The following L3MBTL4 variants were observed in gnomAD, a reference collection of about 807,000 sequenced individuals.
L3MBTL4 encodes the protein lethal(3)malignant brain tumor-like protein 4.
Under a neutral mutation model 84.5 loss-of-function variants are expected in L3MBTL4, and 70 were observed. The observed-to-expected ratio is 0.83, with a 90% confidence interval of 0.68 to 1.01. The LOEUF (loss-of-function observed/expected upper bound fraction) is 1.01, where lower values mean the gene tolerates loss of function less well. L3MBTL4 is among the 50% of genes least tolerant of loss of function. The pLI is 0.00. For synonymous variants in L3MBTL4, 274 were observed against 259.8 expected, an observed-to-expected ratio of 1.05 and a Z score of -0.52; for missense variants, 715 against 754.8, an observed-to-expected ratio of 0.95 and a Z score of 0.62.
Position 6,164,996 on chromosome 18 carries a change from G to A in L3MBTL4, c.1096+6832C>T, listed in dbSNP as rs937868956. On this transcript the variant is annotated intron_variant, in intron 13 of 18. Transcript: ENST00000317931. ...TGGAGAAGTCCTTAAAGGACCTGAT[G>A]GAGCTGAAAACCATGGCACAAGAAC... is the stretch of plus-strand genomic sequence containing the variant. Among the ~76,000 whole-genome samples, 28 of 152,306 alleles carry A rather than the reference G, an allele frequency of 1.8e-4. 1 individual carries two copies. The highest frequency in any genetic ancestry group is 6.8e-3 in the Middle Eastern group (2 of 294).
At chr18:6,362,974 G>A (rs990829666) in intron 1 of L3MBTL4, among the ~76,000 whole-genome samples, 2 of 152,216 alleles carry the variant, frequency 1.3e-5, no homozygotes, top group African/African-American at 4.8e-5. Context: ...ACCGTGAACC[G>A]CAGAGGAAAG....
At chr18:6,040,332 A>G (rs554628513) in intron 16 of L3MBTL4, among the ~76,000 whole-genome samples, 170 of 152,296 alleles carry the variant, frequency 1.1e-3, no homozygotes, top group African/African-American at 3.9e-3. Context: ...TGGTTGTCAC[A>G]TCTTGGGGTG....
chr18:6,085,340 A>G (rs966192078), intron 15 of L3MBTL4, among the ~76,000 whole-genome samples: 11 of 152,220 alleles, frequency 7.2e-5, no homozygotes, highest in African/African-American at 2.7e-4. Context: ...TGATATGACA[A>G]TTTACCCATG....
chr18:6,345,913 T>C (rs1269827209), intron 1 of L3MBTL4, among the ~76,000 whole-genome samples: 1 of 151,902 alleles, frequency 6.6e-6, no homozygotes, highest in African/African-American at 2.4e-5. Flanking sequence ...ACAATTCCTA[T>C]TTCAAATTAC....
At chr18:6,380,321 T>C (rs1459028136) in intron 1 of L3MBTL4, among the ~76,000 whole-genome samples, 1 of 152,206 alleles carries the variant, frequency 6.6e-6, no homozygotes, top group African/African-American at 2.4e-5. Flanking sequence ...TCTCCTTCAG[T>C]TCTGCTCTAA....
intron 4 of L3MBTL4, among the ~76,000 whole-genome samples, chr18:6,269,894 C>T (rs1226083492): frequency 6.6e-6 from 1 of 152,154 alleles, no homozygotes; most frequent in Non-Finnish European, 1.5e-5. Context: ...TTTATGAACC[C>T]AAAATGCAAA....
At chr18:6,010,350 A>T (rs1242700331) in intron 16 of L3MBTL4, among the ~76,000 whole-genome samples, 1 of 152,206 alleles carries the variant, frequency 6.6e-6, no homozygotes, top group African/African-American at 2.4e-5. Flanking sequence ...CTCAGAGAGG[A>T]ACTGTGCTGT....
intron 1 of L3MBTL4, among the ~76,000 whole-genome samples, chr18:6,351,294 T>C (rs942278896): frequency 1.3e-5 from 2 of 152,142 alleles, no homozygotes; most frequent in South Asian, 2.1e-4. Context: ...ATTCCACTTA[T>C]ATGAGGTACC....
chr18:6,400,242 C>T (rs1313563516), intron 1 of L3MBTL4, among the ~76,000 whole-genome samples: 1 of 152,204 alleles, frequency 6.6e-6, no homozygotes, highest in Non-Finnish European at 1.5e-5. Context: ...TCCTCCCTTT[C>T]CTTTGCATCT....
At position 6,239,918 on chromosome 18, in the gene L3MBTL4, A is replaced by G. The variant is rs747196937; in HGVS notation, c.553-46T>C. On this transcript the variant is annotated intron_variant, in intron 8 of 18. Coordinates refer to ENST00000317931, the MANE Select transcript of L3MBTL4 (RefSeq NM_001330559.2). ...GAAGAAGCACAAAAAGAAACAGGAC[A>G]CCAAATAGGACTGAGCCACTGTCAA... The G allele has an allele frequency of 1.9e-6, 3 of 1,603,340 alleles. No homozygotes were observed. The Admixed American group carries it at 5.0e-5, about 27-fold the overall frequency.
At chr18:6,116,115 T>G (rs1295009474) in intron 14 of L3MBTL4, among the ~76,000 whole-genome samples, 2 of 152,126 alleles carry the variant, frequency 1.3e-5, no homozygotes, top group Admixed American at 1.3e-4. Flanking sequence ...GCTAAAGTGG[T>G]AGTGAAACTG....
At chr18:6,071,789 GAAAGAAAGAAAGAA>G in intron 16 of L3MBTL4, among the ~76,000 whole-genome samples, 1 of 128,978 alleles carries the variant, frequency 7.8e-6, no homozygotes, top group Non-Finnish European at 1.7e-5. Flanking sequence ...AAGAAAGAAA[GAAAGAAAGAAAGAA>G]AAAGAAAGAA....
chr18:6,165,300 G>A (rs1339914006), intron 13 of L3MBTL4, among the ~76,000 whole-genome samples: 1 of 152,072 alleles, frequency 6.6e-6, no homozygotes, highest in Non-Finnish European at 1.5e-5. Flanking sequence ...AGCAAGGCAG[G>A]CCAACATTCA....
At chr18:5,990,025 G>A (rs986216210) in intron 16 of L3MBTL4, among the ~76,000 whole-genome samples, 5 of 152,158 alleles carry the variant, frequency 3.3e-5, no homozygotes, top group Non-Finnish European at 7.3e-5. Flanking sequence ...TTCTCTCCGG[G>A]ATCCCTAAGA....
intron 3 of L3MBTL4, among the ~76,000 whole-genome samples, chr18:6,303,066 G>A (rs1399185885): frequency 6.6e-6 from 1 of 152,014 alleles, no homozygotes; most frequent in Non-Finnish European, 1.5e-5. Context: ...TTTAAATGAA[G>A]GGTTTCAAGC....
intron 14 of L3MBTL4, among the ~76,000 whole-genome samples, chr18:6,100,543 G>C (rs2058789741): frequency 6.6e-6 from 1 of 152,204 alleles, no homozygotes; most frequent in South Asian, 2.1e-4. Flanking sequence ...GGTATAATGA[G>C]TGATTTGGGG....
In L3MBTL4 at chr18:6,140,359, G is replaced by A. The variant is rs751377221; in HGVS notation, c.1097-2063C>T. On this transcript the variant is annotated intron_variant, in intron 13 of 18. Transcript: ENST00000317931. ...CTTTTCAATCATGTCTGGCTGTGGC[G>A]CGAAGGTGGGAAAGAGCCAACCATG... Among the ~76,000 whole-genome samples, 10 of 152,276 alleles carry A rather than the reference G, an allele frequency of 6.6e-5. No individual in the cohort carries two copies. The East Asian group carries it at 1.4e-3, about 21-fold the overall frequency.
chr18:6,262,425 C>T (rs1568401060), intron 5 of L3MBTL4, among the ~76,000 whole-genome samples: 1 of 152,222 alleles, frequency 6.6e-6, no homozygotes, highest in East Asian at 1.9e-4. Context: ...CCTTACCTTA[C>T]TGAGCTTGCA....
chr18:6,090,599 CACACACACA>C (rs2058416116), intron 15 of L3MBTL4, among the ~76,000 whole-genome samples: 1 of 135,258 alleles, frequency 7.4e-6, no homozygotes, highest in Non-Finnish European at 1.5e-5. Flanking sequence ...TATATACACA[CACACACACA>C]CACACACACA....
Sources: gnomAD v4.1 joint callset for allele counts (sites outside exome capture counted in the v4.1 genomes callset) on GRCh38, gnomAD v4.1.1 for gene constraint, MANE v1.5 for transcripts, NCBI Gene and HGNC (gene_info 2026-07-23, HGNC 2026-07-21) for gene names.